Variants in SLC35F4 observed in about 807,000 individuals in gnomAD.
The protein encoded by SLC35F4 is solute carrier family 35 member F4.
In SLC35F4, 24 loss-of-function variants were observed where a neutral mutation model predicts 44.2. That is an observed-to-expected ratio of 0.54 (90% CI 0.39 to 0.76). The LOEUF (loss-of-function observed/expected upper bound fraction) is 0.76, where lower values mean the gene tolerates loss of function less well. SLC35F4 is among the 30% of genes least tolerant of loss of function. The pLI is 0.00. For synonymous variants in SLC35F4, 238 were observed against 223.6 expected (o/e 1.06, Z -0.57); for missense variants, 562 against 586.1 (o/e 0.96, Z 0.42).
intron 1 of SLC35F4, among the ~76,000 whole-genome samples, chr14:57,944,751 G>GAAAGAAAGAAAGAA (rs869201293): frequency 8.7e-5 from 11 of 125,758 alleles, no homozygotes; most frequent in Non-Finnish European, 1.9e-4. Context: ...AAGAAAGAAA[G>GAAAGAAAGAAAGAA]AAGAAAGGAA....
chr14:57,749,940 T>C (rs568399151), intron 1 of SLC35F4, among the ~76,000 whole-genome samples: 2 of 152,236 alleles, frequency 1.3e-5, no homozygotes, highest in Non-Finnish European at 2.9e-5. Context: ...ATAAGTGCAA[T>C]TTTGTTACTT....
intron 1 of SLC35F4, among the ~76,000 whole-genome samples, chr14:57,784,281 G>T (rs1159580623): frequency 6.6e-6 from 1 of 152,172 alleles, no homozygotes; most frequent in African/African-American, 2.4e-5. Flanking sequence ...TGGCTAAAGG[G>T]TCCCAATTAT....
intron 1 of SLC35F4, among the ~76,000 whole-genome samples, chr14:57,717,649 T>A (rs2075978495): frequency 6.6e-6 from 1 of 152,186 alleles, no homozygotes; most frequent in South Asian, 2.1e-4. Context: ...AAAAGAGTTT[T>A]TCCTTCACAT....
intron 1 of SLC35F4, among the ~76,000 whole-genome samples, chr14:57,715,385 C>T (rs1234487618): frequency 6.6e-6 from 1 of 152,162 alleles, no homozygotes; most frequent in Non-Finnish European, 1.5e-5. Context: ...TTACAGCATC[C>T]ACTTTCACTT....
At chr14:57,947,733 T>C (rs1467909076) in intron 1 of SLC35F4, among the ~76,000 whole-genome samples, 1 of 152,214 alleles carries the variant, frequency 6.6e-6, no homozygotes, top group Non-Finnish European at 1.5e-5. Flanking sequence ...TTTTTAATCA[T>C]AAAGGGATGT....
chr14:57,623,837 G>A (rs1355771745), intron 1 of SLC35F4, among the ~76,000 whole-genome samples: 15 of 152,036 alleles, frequency 9.9e-5, no homozygotes, highest in African/African-American at 2.7e-4. Context: ...AAATGCCCAC[G>A]AGAGAAAGCA....
chr14:57,612,304 G>A (rs1362329279), intron 1 of SLC35F4, among the ~76,000 whole-genome samples: 1 of 152,134 alleles, frequency 6.6e-6, no homozygotes, highest in Admixed American at 6.5e-5. Flanking sequence ...TCAGAGAGGA[G>A]GGAGCTGTAA....
chr14:57,761,360 T>C (rs966678936), intron 1 of SLC35F4, among the ~76,000 whole-genome samples: 1 of 152,154 alleles, frequency 6.6e-6, no homozygotes, highest in Non-Finnish European at 1.5e-5. Context: ...ATATCTACTA[T>C]TATTTTAAAA....
rs142174284 is a variant in SLC35F4, at chr14:57,719,663, T to C, written c.104-125539A>G. 2.2e-3 allele frequency among the ~76,000 whole-genome samples: 334 copies of C among 152,274 alleles called. 4 individuals carry two copies. Among genetic ancestry groups the C allele is most frequent in the South Asian group, 0.019 (94 of 4,826 alleles). ...TACTGATTTTTGTATGTTAACTTTG[T>C]ATCATGCAACTTTACTGAATTTATT... On this transcript the variant is annotated intron_variant, in intron 1 of 7. Coordinates refer to ENST00000556826, the MANE Select transcript of SLC35F4 (RefSeq NM_001306087.2).
intron 1 of SLC35F4, among the ~76,000 whole-genome samples, chr14:57,671,418 C>G (rs1446317224): frequency 6.6e-6 from 1 of 151,916 alleles, no homozygotes; most frequent in Non-Finnish European, 1.5e-5. Context: ...GGGTACTGAC[C>G]AGAGTTGTGA....
chr14:57,795,724 T>C (rs1418475372), intron 1 of SLC35F4, among the ~76,000 whole-genome samples: 4 of 152,194 alleles, frequency 2.6e-5, no homozygotes, highest in Admixed American at 2.6e-4. Flanking sequence ...ATATATATTC[T>C]AGTATAAAAA....
At chr14:57,596,634 A>G (rs755522589) in intron 1 of SLC35F4, 1 of 534,512 alleles carries the variant, frequency 1.9e-6, no homozygotes, top group Non-Finnish European at 3.6e-6. Context: ...GTCTAGAAAT[A>G]GGCTGGGTAG....
At chr14:57,812,968 G>A (rs1255209577) in intron 1 of SLC35F4, among the ~76,000 whole-genome samples, 1 of 152,192 alleles carries the variant, frequency 6.6e-6, no homozygotes, top group Non-Finnish European at 1.5e-5. Context: ...TGATTCCTGT[G>A]TGCCAGAAGC....
intron 1 of SLC35F4, among the ~76,000 whole-genome samples, chr14:57,924,495 C>T (rs911023850): frequency 6.6e-6 from 1 of 151,872 alleles, no homozygotes; most frequent in Admixed American, 6.6e-5. Context: ...GTCACCCAGG[C>T]TGGGGTGCAA....
chr14:57,771,985 T>C (rs1014975789), intron 1 of SLC35F4, among the ~76,000 whole-genome samples: 1 of 152,218 alleles, frequency 6.6e-6, no homozygotes, highest in Non-Finnish European at 1.5e-5. Context: ...TCACTTTGCA[T>C]AGTATGTGTT....
At chr14:57,658,928 T>C (rs1266056630) in intron 1 of SLC35F4, among the ~76,000 whole-genome samples, 1 of 151,972 alleles carries the variant, frequency 6.6e-6, no homozygotes, top group East Asian at 1.9e-4. Context: ...AACCTTCGAG[T>C]AGGAAGAAGT....
intron 1 of SLC35F4, among the ~76,000 whole-genome samples, chr14:57,762,044 C>T (rs984284056): frequency 3.3e-5 from 5 of 152,174 alleles, no homozygotes; most frequent in African/African-American, 1.2e-4. Context: ...CAGCTGGAAA[C>T]ACCCCTACTC....
rs547520572 is a variant in SLC35F4, at chr14:57,938,865, T to C, written n.282+43048A>G. ...GTGACAGAAGGGCTGCAAAAAAAGA[T>C]TGAGATATATTCAGCTTCTGACATT... On this transcript the variant is annotated intron_variant and non_coding_transcript_variant, in intron 1 of 1. Coordinates refer to the SLC35F4 transcript ENST00000556568. Among the ~76,000 whole-genome samples the C allele has an allele frequency of 7.8e-4, 119 of 152,154 alleles. 1 individual carries two copies. The highest frequency in any genetic ancestry group is 1.4e-3 in the Non-Finnish European group (92 of 67,992).
intron 1 of SLC35F4, among the ~76,000 whole-genome samples, chr14:57,895,921 T>C (rs572709261): frequency 6.6e-6 from 1 of 152,234 alleles, no homozygotes; most frequent in South Asian, 2.1e-4. Flanking sequence ...ATCACACTGA[T>C]GGAAGGTAGT....
Sources: gnomAD v4.1 joint callset for allele counts (sites outside exome capture counted in the v4.1 genomes callset) on GRCh38, gnomAD v4.1.1 for gene constraint, MANE v1.5 for transcripts, NCBI Gene and HGNC (gene_info 2026-07-23, HGNC 2026-07-21) for gene names.